EVI5L: variants seen among roughly 807,000 people sequenced by gnomAD.
The protein encoded by EVI5L is ecotropic viral integration site 5 like, also known as EVI5-like protein.
A neutral mutation model predicts 106.1 loss-of-function variants in EVI5L; 30 were observed. That is an observed-to-expected ratio of 0.28 (90% CI 0.21 to 0.38). The LOEUF is 0.38. EVI5L is among the 10% of genes least tolerant of loss of function. The pLI, the probability that EVI5L is intolerant of heterozygous loss-of-function variation, is 1.00. For synonymous variants in EVI5L, 489 were observed against 483.3 expected, an observed-to-expected ratio of 1.01 and a Z score of -0.15; for missense variants, 809 against 1,098.0, an observed-to-expected ratio of 0.74 and a Z score of 3.72.
chr19:7,841,404 A>G (rs1385722639), intron 1 of EVI5L, among the ~76,000 whole-genome samples: 1 of 152,096 alleles, frequency 6.6e-6, no homozygotes, highest in Non-Finnish European at 1.5e-5. Flanking sequence ...CCCAGTCCTC[A>G]TCAGCCAGGT....
At chr19:7,832,319 C>T (rs776200650) in intron 1 of EVI5L, among the ~76,000 whole-genome samples, 7 of 152,322 alleles carry the variant, frequency 4.6e-5, no homozygotes, top group East Asian at 3.9e-4. Context: ...GGTCCAGTCC[C>T]GCGCAGCCTG....
In EVI5L at chr19:7,850,019, G is replaced by T; in HGVS notation, c.650G>T (p.Cys217Phe). The change falls in exon 6 of 20, where the codon TGT becomes TTT. Residue 217 changes from cysteine (C) to phenylalanine (F), a missense_variant. Physicochemically the swap from Cys to Phe is radical, Grantham distance 205 (BLOSUM62 -2). Coordinates refer to ENST00000538904, the MANE Select transcript of EVI5L (RefSeq NM_001159944.3). The surrounding 1 kb of genome is among the most constrained non-coding windows in gnomAD (Gnocchi z 5.4). ...TAGATGCCTGAGGAGGAGGCCTTCTGTGTGTTCGTGCGGCTGATGCAGGAG... is the reference window on the plus strand; with the variant it reads ...TAGATGCCTGAGGAGGAGGCCTTCTTTGTGTTCGTGCGGCTGATGCAGGAG... ...LMQMPEEEAF[C>F]VFVRLMQEYR... 2 of 1,601,386 alleles carry T rather than the reference G, an allele frequency of 1.2e-6. No homozygotes were observed. The highest frequency in any genetic ancestry group is 1.7e-6 in the Non-Finnish European group (2 of 1,174,172).
chr19:7,863,094 G>A lies in EVI5L; in HGVS notation c.2043+27G>A, dbSNP rs777421425. ...TGATCGGCGGGGCCGGGGTCGGGGG[G>A]CGGGGGCGGGGGCAGGGCCCGGGGC... is the stretch of plus-strand genomic sequence containing the variant. On this transcript the variant is annotated intron_variant, in intron 18 of 19. Coordinates refer to ENST00000538904, the MANE Select transcript of EVI5L (RefSeq NM_001159944.3). The surrounding 1 kb of genome is among the most constrained non-coding windows in gnomAD (Gnocchi z 7.7). 28 of 735,972 alleles carry A rather than the reference G, an allele frequency of 3.8e-5. No homozygotes were observed. In the East Asian group the frequency reaches 6.1e-4, roughly 16 times the overall value. 45.6% of individuals were successfully genotyped at this position (735,972 alleles called of 1,614,324 possible).
In EVI5L at chr19:7,847,067, G is replaced by A. The variant is rs142350983; in HGVS notation, c.137+388G>A. Among the ~76,000 whole-genome samples, 47 of 152,292 alleles carry A rather than the reference G, an allele frequency of 3.1e-4. No individual in the cohort carries two copies. In the East Asian group the frequency reaches 5.2e-3, roughly 17 times the overall value. The stretch of plus-strand genomic sequence containing the variant: ...AACACTTTGGGAGGCCGAGGCAGAC[G>A]GATCACTTGAGGTCAGGTGTTTGAG... On this transcript the variant is annotated intron_variant, in intron 2 of 19. Coordinates refer to ENST00000538904, the MANE Select transcript of EVI5L (RefSeq NM_001159944.3).
rs372171558 is a variant in EVI5L at position 7,861,240 on chromosome 19, G to A, written c.1503+551G>A. Among the ~76,000 whole-genome samples, 6 of 152,204 alleles carry A rather than the reference G, an allele frequency of 3.9e-5. No homozygotes were observed. The East Asian group carries it at 5.8e-4, about 15-fold the overall frequency. ...GTCCTCCCAAATGGAGGACTGAGAG[G>A]CCATCTGCTTCCAGGCCCTCATCAC... On this transcript the variant is annotated intron_variant, in intron 14 of 19. Coordinates refer to ENST00000538904, the MANE Select transcript of EVI5L (RefSeq NM_001159944.3).
rs200440742 is a variant in EVI5L at position 7,848,895 on chromosome 19, C to T, written c.328-26C>T. 8.4e-4 allele frequency: 1,338 copies of T among 1,596,872 alleles called. 1 individual carries two copies. The highest frequency in any genetic ancestry group is 1.6e-3 in the Admixed American group (93 of 59,484). ...GAGGCTGCGCTGGGACCGAGTCCAG[C>T]CCCCGCTTCCCGCTCCCGTGGCCAG... On this transcript the variant is annotated intron_variant, in intron 3 of 19. Transcript: ENST00000538904. This position sits in a 1 kb window ranked among gnomAD's most constrained non-coding sequence, Gnocchi z 4.8.
chr19:7,846,686 T>TG lies in EVI5L; in HGVS notation c.137+12dup. ...AGCTCGAAGAGCAGAACCGGTGAGT[T>TG]GGGGGCTGGGGGATGGGGTGAAATC... On this transcript the variant is annotated splice_region_variant and intron_variant, in intron 2 of 19. Transcript: ENST00000538904. 1 of 1,609,736 alleles carries TG rather than the reference T, an allele frequency of 6.2e-7. No homozygotes were observed. Among genetic ancestry groups the TG allele is most frequent in the Non-Finnish European group, 8.5e-7 (1 of 1,178,544 alleles).
chr19:7,831,903 A>G (rs1978294892), intron 1 of EVI5L, among the ~76,000 whole-genome samples: 1 of 152,230 alleles, frequency 6.6e-6, no homozygotes, highest in South Asian at 2.1e-4. Context: ...GCTTCCTTCT[A>G]TCTTGGCATT....
rs937009517 is a variant in EVI5L, at chr19:7,857,129, T to C, written c.1233+5T>C. On this transcript the variant is annotated splice_donor_5th_base_variant and intron_variant, in intron 12 of 19. Transcript: ENST00000538904. This position sits in a 1 kb window ranked among gnomAD's most constrained non-coding sequence, Gnocchi z 4.5. ...CTGGCTGATAGGTTAATCCAGGTAC[T>C]GTAGCTTTTTATCCCCTCTCCGGAT... The C allele has an allele frequency of 6.4e-7, 1 of 1,551,630 alleles. No individual in the cohort carries two copies. Among genetic ancestry groups the C allele is most frequent in the African/African-American group, 1.4e-5 (1 of 73,056 alleles).
At chr19:7,847,960 G>A (rs144010004) in intron 3 of EVI5L, 39 bp downstream of exon 3, 746 of 1,509,154 alleles carry the variant, frequency 4.9e-4, no homozygotes, top group Middle Eastern at 9.1e-4. Flanking sequence ...GGCCGACGGC[G>A]TGGGCAGGTG....
rs199695438 is a variant in EVI5L, at chr19:7,849,282, G to A, written c.579G>A (p.Val193=). 54 of 1,614,180 alleles carry A rather than the reference G, an allele frequency of 3.3e-5. No homozygotes were observed. The East Asian group carries it at 1.0e-3, about 31-fold the overall frequency. Residue 193 remains valine (V), a synonymous_variant, in exon 5 of 20, where the codon GTG becomes GTA. Coordinates refer to ENST00000538904, the MANE Select transcript of EVI5L (RefSeq NM_001159944.3). ...MKAYSLVDRE[V]GYCQGSAFIV... is the part of the protein sequence containing the mutation. ...CATACTCGCTGGTAGACCGGGAGGT[G>A]GGCTACTGCCAGGGAAGCGCCTTCA...
At chr19:7,839,119 A>C (rs547186652) in intron 1 of EVI5L, among the ~76,000 whole-genome samples, 1 of 152,010 alleles carries the variant, frequency 6.6e-6, no homozygotes, top group Admixed American at 6.6e-5. Context: ...TGGGTAACAC[A>C]GTGAAACCCC....
In EVI5L at chr19:7,845,984, C is replaced by T. The variant is rs1951258653; in HGVS notation, c.-47-512C>T. 6.6e-6 allele frequency among the ~76,000 whole-genome samples: 1 copy of T among 152,226 alleles called. No individual in the cohort carries two copies. Among genetic ancestry groups the T allele is most frequent in the Admixed American group, 6.5e-5 (1 of 15,288 alleles). ...AACAGTCGAAAGTAATTGCTCTTGG[C>T]CGTGCCAGCAGCCCACTTTGGTTGA... On this transcript the variant is annotated intron_variant, in intron 1 of 19. Transcript: ENST00000538904. The surrounding 1 kb of genome is among the most constrained non-coding windows in gnomAD (Gnocchi z 4.0).
At chr19:7,836,968 C>T (rs529806366) in intron 1 of EVI5L, among the ~76,000 whole-genome samples, 23 of 152,012 alleles carry the variant, frequency 1.5e-4, no homozygotes, top group Middle Eastern at 3.4e-3. Context: ...TGGGCTGAGG[C>T]AGGAGGATCC....
rs771108066 is a variant in EVI5L at position 7,849,258 on chromosome 19, A to G, written c.555A>G (p.Ala185=). 3.7e-6 allele frequency: 6 copies of G among 1,614,000 alleles called. No homozygotes were observed. Among genetic ancestry groups the G allele is most frequent in the Non-Finnish European group, 5.1e-6 (6 of 1,180,020 alleles). Residue 185 remains alanine, a splice_region_variant and synonymous_variant, in exon 5 of 20, where the codon GCA becomes GCG. Coordinates refer to ENST00000538904, the MANE Select transcript of EVI5L (RefSeq NM_001159944.3). ...GQEVLFNVMK[A]YSLVDREVGY... Reference sequence around the variant, plus strand: ...TCTCAGGACTTGTTCCCTTCTAGGCATACTCGCTGGTAGACCGGGAGGTGG... The same window carrying G: ...TCTCAGGACTTGTTCCCTTCTAGGCGTACTCGCTGGTAGACCGGGAGGTGG...
chr19:7,849,954 C>A (rs777886296), intron 5 of EVI5L, 43 bp from the exon 6 acceptor site: 3 of 1,537,602 alleles, frequency 2.0e-6, no homozygotes, highest in Admixed American at 3.9e-5. Flanking sequence ...TGCCCCTCCC[C>A]GCTGCGCTGC....
Position 7,856,161 on chromosome 19 carries a change from GTCT to G in EVI5L, c.1200+97_1200+99del. On this transcript the variant is annotated intron_variant, in intron 11 of 19. Coordinates refer to ENST00000538904, the MANE Select transcript of EVI5L (RefSeq NM_001159944.3). The surrounding 1 kb of genome is among the most constrained non-coding windows in gnomAD (Gnocchi z 6.6). ...GCTAACCTGGGGTGGACTCCTCCAAGTCTTCTCCTCTCTGGAGGACTAAGCAGC... is the reference window on the plus strand; with the variant it reads ...GCTAACCTGGGGTGGACTCCTCCAAGTCTCCTCTCTGGAGGACTAAGCAGC... The G allele has an allele frequency of 8.3e-7, 1 of 1,200,674 alleles. No individual in the cohort carries two copies. The highest frequency in any genetic ancestry group is 1.1e-6 in the Non-Finnish European group (1 of 924,552). The allele number at this position is 1,200,674 out of a possible 1,614,324, so 74.4% of individuals were successfully genotyped here.
intron 13 of EVI5L, among the ~76,000 whole-genome samples, chr19:7,859,488 T>C (rs1979696243): frequency 6.6e-6 from 1 of 152,224 alleles, no homozygotes; most frequent in South Asian, 2.1e-4. Flanking sequence ...GGCCCAGGGA[T>C]TCTAGCGGAT....
At chr19:7,832,881 T>G (rs929613842) in intron 1 of EVI5L, among the ~76,000 whole-genome samples, 2 of 152,054 alleles carry the variant, frequency 1.3e-5, no homozygotes, top group African/African-American at 2.4e-5. Context: ...ATGCCCCACA[T>G]AGACCTCTGA....
Sources: gnomAD v4.1 joint callset for allele counts (sites outside exome capture counted in the v4.1 genomes callset) on GRCh38, gnomAD v4.1.1 for gene constraint, Gnocchi (gnomAD v3.1) non-coding constraint, MANE v1.5 for transcripts, NCBI Gene and HGNC (gene_info 2026-07-23, HGNC 2026-07-21) for gene names.